Variants in SIDT1 observed in about 807,000 individuals in gnomAD.
The protein encoded by SIDT1 is SID1 transmembrane family member 1.
In SIDT1, 101 loss-of-function variants were observed where a neutral mutation model predicts 107.5. The ratio of observed to expected loss-of-function variants is 0.94; its 90% confidence interval spans 0.80 to 1.11. SIDT1 has a LOEUF of 1.11. SIDT1 is among the 50% of genes least tolerant of loss of function. SIDT1 has a pLI of 0.00. For synonymous variants in SIDT1, 395 were observed against 398.2 expected (o/e 0.99, Z 0.10); for missense variants, 1,076 against 1,058.2 (o/e 1.02, Z -0.23).
intron 3 of SIDT1, among the ~76,000 whole-genome samples, chr3:113,572,647 A>G (rs972979356): frequency 6.6e-6 from 1 of 152,244 alleles, no homozygotes; most frequent in Admixed American, 6.5e-5. Flanking sequence ...AAAAATGATT[A>G]GAACTTGAAT....
chr3:113,631,683 T>G (rs11915029), downstream of SIDT1, among the ~76,000 whole-genome samples: 2,384 of 152,320 alleles, frequency 0.016, 58 homozygotes, highest in African/African-American at 0.054. Context: ...CCTTCACCAC[T>G]GAGTTTCTAG....
intron 1 of SIDT1, among the ~76,000 whole-genome samples, chr3:113,539,087 G>A (rs1560002663): frequency 6.6e-6 from 1 of 152,048 alleles, no homozygotes; most frequent in Non-Finnish European, 1.5e-5. Context: ...GTTACCTTAA[G>A]CTATCGTTTG....
intron 1 of SIDT1, among the ~76,000 whole-genome samples, chr3:113,537,512 A>T (rs2107569103): frequency 6.6e-6 from 1 of 152,294 alleles, no homozygotes; most frequent in East Asian, 1.9e-4. Context: ...CTTACTCTTT[A>T]TGTACTGAGG....
At chr3:113,596,408 A>G (rs1282444365) in intron 10 of SIDT1, among the ~76,000 whole-genome samples, 2 of 152,198 alleles carry the variant, frequency 1.3e-5, no homozygotes, top group Non-Finnish European at 2.9e-5. Flanking sequence ...GAAAATCTCC[A>G]TGTTAGCTCC....
chr3:113,533,331 C>T, intron 1 of SIDT1, 88 bp downstream of exon 1: 1 of 1,049,716 alleles, frequency 9.5e-7, no homozygotes, highest in East Asian at 3.3e-5. Flanking sequence ...GGGAATTGAC[C>T]TTGGGAGACT....
chr3:113,563,823 T>C (rs1941658280), intron 1 of SIDT1, among the ~76,000 whole-genome samples: 1 of 152,244 alleles, frequency 6.6e-6, no homozygotes, highest in Admixed American at 6.5e-5. Context: ...TTATTAATTT[T>C]ATCAAGTGGC....
chr3:113,537,754 G>C (rs1425629248), intron 1 of SIDT1, among the ~76,000 whole-genome samples: 1 of 152,226 alleles, frequency 6.6e-6, no homozygotes, highest in Non-Finnish European at 1.5e-5. Context: ...AGAGAGCAAA[G>C]AGAGAAGAAT....
intron 15 of SIDT1, 84 bp downstream of exon 15, chr3:113,607,198 A>T (rs1473838754): frequency 2.2e-6 from 2 of 917,402 alleles, no homozygotes; most frequent in Non-Finnish European, 3.5e-6. Flanking sequence ...TAAAAATACT[A>T]AAAACAACTG....
chr3:113,542,624 G>T (rs1448988085), intron 1 of SIDT1, among the ~76,000 whole-genome samples: 1 of 152,060 alleles, frequency 6.6e-6, no homozygotes, highest in Non-Finnish European at 1.5e-5. Context: ...CTTATCTATT[G>T]CTCAAGTGTT....
At chr3:113,615,961 C>T in intron 19 of SIDT1, 139 bp from the exon 20 acceptor site, 1 of 717,824 alleles carries the variant, frequency 1.4e-6, no homozygotes, top group South Asian at 1.6e-5. Flanking sequence ...TTATTGCGCA[C>T]CTATTAGGTG....
intron 9 of SIDT1, 57 bp from the exon 10 acceptor site, chr3:113,592,948 A>C: frequency 7.5e-7 from 1 of 1,338,220 alleles, no homozygotes; most frequent in East Asian, 2.3e-5. Context: ...TAAGGAACAA[A>C]TGTAAAATGC....
chr3:113,546,991 T>C (rs1939666359), intron 1 of SIDT1, among the ~76,000 whole-genome samples: 1 of 152,182 alleles, frequency 6.6e-6, no homozygotes, highest in Non-Finnish European at 1.5e-5. Context: ...CTATGCTTTC[T>C]GCTTATTTGA....
chr3:113,566,572 T>C, intron 2 of SIDT1, 31 bp downstream of exon 2: 2 of 1,606,450 alleles, frequency 1.2e-6, no homozygotes, highest in Non-Finnish European at 1.7e-6. Context: ...GCAACTTCAC[T>C]ATGTTTAGTT....
At chr3:113,636,787 G>A in the SIDT1 span, among the ~76,000 whole-genome samples, 4 of 152,158 alleles carry the variant, frequency 2.6e-5, no homozygotes, top group African/African-American at 9.7e-5. Flanking sequence ...TTTCTCACAG[G>A]AGGAAACGGG....
intron 3 of SIDT1, among the ~76,000 whole-genome samples, chr3:113,575,844 G>T (rs754694285): frequency 1.3e-5 from 2 of 152,190 alleles, no homozygotes; most frequent in Non-Finnish European, 2.9e-5. Flanking sequence ...TCTTCAGAGA[G>T]CCCCAGGGGG....
At chr3:113,552,046 T>C (rs919459307) in intron 1 of SIDT1, among the ~76,000 whole-genome samples, 5 of 152,138 alleles carry the variant, frequency 3.3e-5, no homozygotes, top group African/African-American at 1.2e-4. Flanking sequence ...ACTGTTTCTG[T>C]CCCTCTAGAT....
intron 1 of SIDT1, among the ~76,000 whole-genome samples, chr3:113,544,579 T>A (rs954902591): frequency 5.9e-5 from 9 of 152,198 alleles, no homozygotes; most frequent in African/African-American, 9.6e-5. Context: ...TTGAAGAGTA[T>A]AGCCAGGTTT....
chr3:113,542,902 T>TTGTGTGTGTG (rs71625216), intron 1 of SIDT1, among the ~76,000 whole-genome samples: 5 of 145,246 alleles, frequency 3.4e-5, no homozygotes, highest in African/African-American at 1.0e-4. Context: ...TTTTGCTTGG[T>TTGTGTGTGTG]TGTGTGTGTG....
chr3:113,583,098 T>C (rs559641741), intron 6 of SIDT1, among the ~76,000 whole-genome samples: 47 of 152,324 alleles, frequency 3.1e-4, no homozygotes, highest in Non-Finnish European at 5.3e-4. Context: ...GCATTAGTTA[T>C]TAAACATAGG....
Sources: allele counts gnomAD v4.1 joint callset (sites outside exome capture counted in the v4.1 genomes callset), GRCh38; gene constraint gnomAD v4.1.1; transcripts MANE v1.5; gene names NCBI Gene and HGNC (gene_info 2026-07-23, HGNC 2026-07-21).